DCC: variants seen among roughly 807,000 people sequenced by gnomAD.
DCC encodes netrin receptor DCC.
Under a neutral mutation model 172.5 loss-of-function variants are expected in DCC, and 58 were observed. The observed-to-expected ratio is 0.34, with a 90% CI of 0.27 to 0.42. The LOEUF (loss-of-function observed/expected upper bound fraction) is 0.42. DCC is among the 10% of genes least tolerant of loss of function. The pLI, the probability that DCC is intolerant of heterozygous loss-of-function variation, is 1.00. For missense variants in DCC, 1,740 were observed against 1,791.0 expected (o/e 0.97, Z 0.51); for synonymous variants, 709 against 644.5 (o/e 1.10, Z -1.52).
At chr18:52,424,950 T>G (rs1987375073) in intron 1 of DCC, among the ~76,000 whole-genome samples, 1 of 152,140 alleles carries the variant, frequency 6.6e-6, no homozygotes, top group Non-Finnish European at 1.5e-5. Context: ...ATTTGTTTAA[T>G]TTCATGGGGG....
intron 1 of DCC, among the ~76,000 whole-genome samples, chr18:52,633,568 A>G (rs1485179813): frequency 6.6e-6 from 1 of 152,212 alleles, no homozygotes; most frequent in Non-Finnish European, 1.5e-5. Context: ...CCACAATGCC[A>G]AAGATTCCAA....
In DCC at chr18:53,232,376, A is replaced by T. The variant is rs377440224; in HGVS notation, c.1911+16779A>T. ...TCTTAAGCACAGCATTATTATTCAGATGTGCTACAATCACATTGATGTTGT... is the reference window on the plus strand; with the variant it reads ...TCTTAAGCACAGCATTATTATTCAGTTGTGCTACAATCACATTGATGTTGT... On this transcript the variant is annotated intron_variant, in intron 12 of 28. Coordinates refer to ENST00000442544, the MANE Select transcript of DCC (RefSeq NM_005215.4). Among the ~76,000 whole-genome samples the T allele has an allele frequency of 2.6e-5, 4 of 152,140 alleles. No individual in the cohort carries two copies. In the East Asian group the frequency reaches 5.8e-4, roughly 22 times the overall value.
intron 1 of DCC, among the ~76,000 whole-genome samples, chr18:52,638,471 A>T (rs1420222250): frequency 2.6e-5 from 4 of 152,166 alleles, no homozygotes; most frequent in Admixed American, 6.5e-5. Flanking sequence ...AAGGACTCAC[A>T]TAAACTTAAA....
At chr18:52,751,030 G>A (rs1463084680) in intron 1 of DCC, among the ~76,000 whole-genome samples, 2 of 152,138 alleles carry the variant, frequency 1.3e-5, no homozygotes, top group Non-Finnish European at 2.9e-5. Flanking sequence ...TGTTTCAGGA[G>A]AAAATGGGAT....
chr18:52,924,807 C>T (rs2040176447), intron 4 of DCC, among the ~76,000 whole-genome samples: 1 of 151,986 alleles, frequency 6.6e-6, no homozygotes, highest in African/African-American at 2.4e-5. Context: ...GGTGTGTTCT[C>T]TGCGTATAGC....
intron 12 of DCC, among the ~76,000 whole-genome samples, chr18:53,231,726 T>C (rs2056124126): frequency 6.6e-6 from 1 of 152,152 alleles, no homozygotes. Context: ...TTCTATTTAA[T>C]CCTCAGTGTG....
At chr18:52,979,425 G>A (rs1489317029) in intron 5 of DCC, among the ~76,000 whole-genome samples, 1 of 152,140 alleles carries the variant, frequency 6.6e-6, no homozygotes, top group Non-Finnish European at 1.5e-5. Flanking sequence ...CCTGCCCAGA[G>A]GATGGGTTAG....
chr18:53,310,432 T>A (rs2057252775), intron 13 of DCC, among the ~76,000 whole-genome samples: 1 of 150,676 alleles, frequency 6.6e-6, no homozygotes, highest in Non-Finnish European at 1.5e-5. Context: ...GATACTCAAA[T>A]TTTTTTTTAC....
At chr18:52,355,901 A>G (rs1984341450) in intron 1 of DCC, among the ~76,000 whole-genome samples, 1 of 152,184 alleles carries the variant, frequency 6.6e-6, no homozygotes, top group African/African-American at 2.4e-5. Flanking sequence ...GACCTTACCC[A>G]CATAGGACCT....
chr18:53,504,773 C>G (rs1215505934), intron 27 of DCC, among the ~76,000 whole-genome samples: 1 of 152,136 alleles, frequency 6.6e-6, no homozygotes. Context: ...GAAATAATTT[C>G]TAGAAGAGTC....
At chr18:52,441,589 C>T (rs1427778600) in intron 1 of DCC, among the ~76,000 whole-genome samples, 1 of 152,150 alleles carries the variant, frequency 6.6e-6, no homozygotes. Context: ...AATTTTTAAA[C>T]ACTAGCATTT....
chr18:52,576,829 C>CAAA lies in DCC; in HGVS notation c.92-175212_92-175210dup, dbSNP rs35498084. Among the ~76,000 whole-genome samples the CAAA allele has an allele frequency of 7.1e-4, 90 of 127,008 alleles. 1 individual carries two copies. The highest frequency in any genetic ancestry group is 4.3e-3 in the Middle Eastern group (1 of 234). The allele number at this position is 127,008 out of a possible 152,430, so 83.3% of individuals were successfully genotyped here. Reference sequence around the variant, plus strand: ...TGGGTGACAGAGCAAGCCTCCATCTCAAAAAAAAAAAAAAAGAAAATAATG... The same window carrying CAAA: ...TGGGTGACAGAGCAAGCCTCCATCTCAAAAAAAAAAAAAAAAAAGAAAATAATG... On this transcript the variant is annotated intron_variant, in intron 1 of 28. Coordinates refer to ENST00000442544, the MANE Select transcript of DCC (RefSeq NM_005215.4).
intron 1 of DCC, among the ~76,000 whole-genome samples, chr18:52,537,861 A>G (rs1447512966): frequency 6.6e-6 from 1 of 151,976 alleles, no homozygotes; most frequent in African/African-American, 2.4e-5. Context: ...TTAAAGTCCT[A>G]TTTTGCCTCT....
intron 5 of DCC, among the ~76,000 whole-genome samples, chr18:53,023,511 C>T (rs577383274): frequency 9.0e-4 from 135 of 150,780 alleles, no homozygotes; most frequent in Non-Finnish European, 1.5e-3. Flanking sequence ...AATTTGTGTA[C>T]CAAACCCCAG....
chr18:53,453,482 G>T (rs2045443583), intron 23 of DCC, among the ~76,000 whole-genome samples: 1 of 151,856 alleles, frequency 6.6e-6, no homozygotes, highest in Admixed American at 6.6e-5. Flanking sequence ...TTTTTTTGGG[G>T]GACTTGAATT....
chr18:52,992,027 G>T (rs932633142), intron 5 of DCC, among the ~76,000 whole-genome samples: 2 of 152,150 alleles, frequency 1.3e-5, no homozygotes, highest in Non-Finnish European at 2.9e-5. Context: ...AAGCAATTTT[G>T]AATGCAAGTT....
At chr18:52,714,054 A>G (rs906764512) in intron 1 of DCC, among the ~76,000 whole-genome samples, 3 of 152,192 alleles carry the variant, frequency 2.0e-5, no homozygotes, top group Non-Finnish European at 2.9e-5. Flanking sequence ...GCACAGCCCT[A>G]AGTACTTTAT....
rs1047358363 is a variant in DCC, at chr18:52,401,007, G to A, written c.91+60129G>A. 2.6e-5 allele frequency among the ~76,000 whole-genome samples: 4 copies of A among 151,908 alleles called. No individual in the cohort carries two copies. The South Asian group carries it at 8.3e-4, about 32-fold the overall frequency. ...TACCTAATGTAGATGATGAGTTGAT[G>A]GGTGCAACAAACCACCATAGCATAC... On this transcript the variant is annotated intron_variant, in intron 1 of 28. Transcript: ENST00000442544.
At chr18:53,206,447 G>A (rs2144554729) in intron 10 of DCC, among the ~76,000 whole-genome samples, 5 of 123,712 alleles carry the variant, frequency 4.0e-5, no homozygotes, top group South Asian at 2.4e-4. Context: ...ATACATATAT[G>A]TGTATATGTA....
Sources: allele counts gnomAD v4.1 joint callset (sites outside exome capture counted in the v4.1 genomes callset), GRCh38; gene constraint gnomAD v4.1.1; transcripts MANE v1.5; gene names NCBI Gene and HGNC (gene_info 2026-07-23, HGNC 2026-07-21).